Variants in TBC1D8 observed in about 807,000 individuals in gnomAD.
TBC1D8 encodes TBC1 domain family member 8.
TBC1D8 carries 65 observed loss-of-function variants against 118.8 expected under a neutral mutation model. The observed-to-expected ratio is 0.55, with a 90% CI of 0.45 to 0.67. TBC1D8 has a LOEUF of 0.67. Among genes scored for constraint, TBC1D8 ranks in the 30% least tolerant of loss-of-function variants. The pLI, the probability that TBC1D8 is intolerant of heterozygous loss-of-function variation, is 0.00. For missense variants in TBC1D8, 1,376 were observed against 1,471.2 expected (o/e 0.94, Z 1.06); for synonymous variants, 566 against 595.8 (o/e 0.95, Z 0.73).
intron 10 of TBC1D8, 81 bp downstream of exon 10, chr2:101,033,463 G>C: frequency 6.5e-7 from 1 of 1,534,310 alleles, no homozygotes; most frequent in South Asian, 1.1e-5. Context: ...CAGATGACTG[G>C]GAATGCAAAT....
At chr2:101,127,133 G>C (rs577410584) in intron 1 of TBC1D8, among the ~76,000 whole-genome samples, 1 of 152,034 alleles carries the variant, frequency 6.6e-6, no homozygotes, top group Non-Finnish European at 1.5e-5. Flanking sequence ...TCAGGCATTC[G>C]AGACCAGCCT....
intron 1 of TBC1D8, among the ~76,000 whole-genome samples, chr2:101,147,213 C>T (rs1171836343): frequency 6.8e-6 from 1 of 147,408 alleles, no homozygotes; most frequent in Non-Finnish European, 1.5e-5. Context: ...CCTTATTTAT[C>T]TCTTGTTGGA....
chr2:101,020,988 G>T (rs1261013878), intron 17 of TBC1D8, among the ~76,000 whole-genome samples: 1 of 152,104 alleles, frequency 6.6e-6, no homozygotes, highest in African/African-American at 2.4e-5. Context: ...ATGCCCAGTG[G>T]ATAAAGGAGA....
intron 1 of TBC1D8, among the ~76,000 whole-genome samples, chr2:101,139,199 C>G (rs1485931220): frequency 2.0e-5 from 3 of 152,054 alleles, no homozygotes; most frequent in African/African-American, 7.2e-5. Flanking sequence ...TCGACCTATT[C>G]AAATCTTTCC....
At chr2:101,121,175 A>G (rs1574063102) in intron 1 of TBC1D8, among the ~76,000 whole-genome samples, 2 of 152,246 alleles carry the variant, frequency 1.3e-5, no homozygotes, top group East Asian at 3.8e-4. Flanking sequence ...AATAAGAGAA[A>G]AAGAATTCCA....
intron 17 of TBC1D8, among the ~76,000 whole-genome samples, chr2:101,017,081 AAAAAAAAAAGAC>A (rs919217982): frequency 1.4e-5 from 2 of 143,052 alleles, no homozygotes; most frequent in Admixed American, 1.4e-4. Flanking sequence ...TATTAAAAAA[AAAAAAAAAAGAC>A]AAACACGCAC....
rs1221806548 is a variant in TBC1D8, at chr2:101,109,522, G to A, written c.128-19158C>T. Among the ~76,000 whole-genome samples, 8 of 152,124 alleles carry A rather than the reference G, an allele frequency of 5.3e-5. No individual in the cohort carries two copies. In the South Asian group the frequency reaches 1.0e-3, roughly 20 times the overall value. ...TGTTAATGCATGCTCCCACAACAGCGTGCAGCCCTACTTAGTCCGTCCTTT... is the reference window on the plus strand; with the variant it reads ...TGTTAATGCATGCTCCCACAACAGCATGCAGCCCTACTTAGTCCGTCCTTT... On this transcript the variant is annotated intron_variant, in intron 1 of 19. Transcript: ENST00000409318.
chr2:101,032,357 A>G lies in TBC1D8; in HGVS notation c.1847T>C (p.Leu616Pro). Reference sequence around the variant, plus strand: ...GGCTTCCTCCTCCTTGGTGTACAGCAGCAGCACGGAGGTCAGGATGTTCAT... The same window carrying G: ...GGCTTCCTCCTCCTTGGTGTACAGCGGCAGCACGGAGGTCAGGATGTTCAT... ...QSMNILTSVL[L>P]LYTKEEEAFW... The change falls in exon 11 of 20, where the codon CTG (leucine) becomes CCG (proline). Residue 616 changes from leucine to proline, a missense_variant. Transcript: ENST00000409318. 6.2e-7 allele frequency: 1 copy of G among 1,613,834 alleles called. No individual in the cohort carries two copies. The highest frequency in any genetic ancestry group is 8.5e-7 in the Non-Finnish European group (1 of 1,179,742).
At chr2:101,023,660 G>A (rs950521765) in intron 15 of TBC1D8, 2 of 420,414 alleles carry the variant, frequency 4.8e-6, no homozygotes, top group East Asian at 1.7e-4. Context: ...CTTGGGAATA[G>A]ACTGAAAACT....
At chr2:101,150,068 C>CA (rs1428715973) in intron 1 of TBC1D8, among the ~76,000 whole-genome samples, 1 of 152,216 alleles carries the variant, frequency 6.6e-6, no homozygotes, top group Non-Finnish European at 1.5e-5. Context: ...ACCCAACCGC[C>CA]AGCTTTCTCA....
At chr2:101,132,048 T>C (rs553734263) in intron 1 of TBC1D8, among the ~76,000 whole-genome samples, 3 of 152,318 alleles carry the variant, frequency 2.0e-5, no homozygotes, top group African/African-American at 7.2e-5. Flanking sequence ...GCATGTTCAT[T>C]TCACTTTTTA....
rs763212244 is a variant in TBC1D8, at chr2:101,040,355, G to T, written c.903C>A (p.Phe301Leu). ...TCGGCAACCTGAAGAAAGCCCGGAA[G>T]AACTCATTCTGTGCTCTGGCTTCCA... Reference protein sequence around the residue: ...RDLEARAQNEFFRAFFRLPRK... With the variant: ...RDLEARAQNELFRAFFRLPRK... Residue 301 changes from phenylalanine to leucine, a missense_variant, in exon 6 of 20, where the codon TTC becomes TTA. Phe to Leu is a conservative substitution (Grantham distance 22, BLOSUM62 0). Transcript: ENST00000409318. 32 of 1,608,378 alleles carry T rather than the reference G, an allele frequency of 2.0e-5. No homozygotes were observed. The highest frequency in any genetic ancestry group is 2.7e-5 in the Non-Finnish European group (32 of 1,177,052).
At chr2:101,150,553 G>C (rs1177732851) in intron 1 of TBC1D8, among the ~76,000 whole-genome samples, 1 of 152,220 alleles carries the variant, frequency 6.6e-6, no homozygotes, top group African/African-American at 2.4e-5. Context: ...GGAAAAAACT[G>C]ATCTGTTCAA....
intron 5 of TBC1D8, among the ~76,000 whole-genome samples, chr2:101,045,954 C>T (rs1681676377): frequency 6.6e-6 from 1 of 152,134 alleles, no homozygotes; most frequent in African/African-American, 2.4e-5. Context: ...GATCACGCCA[C>T]CGCACTCCAG....
At chr2:101,105,607 A>AC (rs1553420473) in intron 1 of TBC1D8, among the ~76,000 whole-genome samples, 207 of 72,526 alleles carry the variant, frequency 2.9e-3, no homozygotes, top group African/African-American at 9.9e-3. Context: ...AAAAAAAAAA[A>AC]ACATATATAT....
intron 17 of TBC1D8, chr2:101,019,178 T>C: frequency 1.7e-6 from 2 of 1,176,572 alleles, no homozygotes; most frequent in Admixed American, 2.4e-5. Context: ...AGGCCTGTTC[T>C]ACACGGCCGG....
intron 5 of TBC1D8, among the ~76,000 whole-genome samples, chr2:101,042,533 C>T (rs907816202): frequency 6.6e-6 from 1 of 152,084 alleles, no homozygotes; most frequent in African/African-American, 2.4e-5. Flanking sequence ...CAAGGGATCC[C>T]TGTGAATCTA....
chr2:101,089,287 T>C (rs60678193), intron 2 of TBC1D8, among the ~76,000 whole-genome samples: 2,638 of 152,198 alleles, frequency 0.017, 76 homozygotes, highest in African/African-American at 0.059. Context: ...TATGAGAAGA[T>C]AGAAAACTAA....
chr2:101,126,632 C>G (rs1678369244), intron 1 of TBC1D8, among the ~76,000 whole-genome samples: 1 of 152,030 alleles, frequency 6.6e-6, no homozygotes, highest in Admixed American at 6.6e-5. Context: ...TAGTGAAAGC[C>G]CTATGAAAAA....
Sources: allele counts gnomAD v4.1 joint callset (sites outside exome capture counted in the v4.1 genomes callset), GRCh38; gene constraint gnomAD v4.1.1; transcripts MANE v1.5; gene names NCBI Gene and HGNC (gene_info 2026-07-23, HGNC 2026-07-21).